Variants in ASIC2 observed in about 807,000 individuals in gnomAD.
The protein encoded by ASIC2 is acid sensing ion channel subunit 2.
ASIC2 carries 25 observed loss-of-function variants against 57.3 expected under a neutral mutation model. The ratio of observed to expected loss-of-function variants is 0.44; its 90% confidence interval spans 0.32 to 0.61. ASIC2 has a LOEUF of 0.61. Among genes scored for constraint, ASIC2 ranks in the 20% least tolerant of loss-of-function variants. ASIC2 has a pLI of 0.06. For missense variants in ASIC2, 641 were observed against 738.1 expected, an observed-to-expected ratio of 0.87 and a Z score of 1.52; for synonymous variants, 319 against 307.5, an observed-to-expected ratio of 1.04 and a Z score of -0.39.
At chr17:34,130,957 G>A (rs971656832) in intron 1 of ASIC2, among the ~76,000 whole-genome samples, 3 of 152,216 alleles carry the variant, frequency 2.0e-5, no homozygotes, top group African/African-American at 7.2e-5. Flanking sequence ...ACAGCGAGTA[G>A]GGAGAGATCG....
chr17:33,207,181 C>T (rs1354441637), intron 1 of ASIC2, among the ~76,000 whole-genome samples: 1 of 152,222 alleles, frequency 6.6e-6, no homozygotes, highest in Non-Finnish European at 1.5e-5. Context: ...CGTCCTTAAG[C>T]GATTCATTTA....
intron 1 of ASIC2, among the ~76,000 whole-genome samples, chr17:33,413,089 G>A (rs1314363287): frequency 1.3e-5 from 2 of 152,248 alleles, no homozygotes; most frequent in East Asian, 1.9e-4. Flanking sequence ...AGAGATGGGG[G>A]CATAGGGGGT....
chr17:33,475,759 C>T (rs9901123), intron 1 of ASIC2, among the ~76,000 whole-genome samples: 28,897 of 152,108 alleles, frequency 0.19, 2,983 homozygotes, highest in Middle Eastern at 0.24. Flanking sequence ...GGAAAGCAAG[C>T]GGCCTTATCT....
In ASIC2 at chr17:33,267,036, G is replaced by A. The variant is rs566115354; in HGVS notation, c.708+24372C>T. On this transcript the variant is annotated intron_variant, in intron 1 of 9. Transcript: ENST00000225823. ...ATTAATGAAATTTTAGGGGTAATCA[G>A]TTGACATTTCTTGGCTGTTCACTGG... Among the ~76,000 whole-genome samples, 6 of 152,268 alleles carry A rather than the reference G, an allele frequency of 3.9e-5. No individual in the cohort carries two copies. The East Asian group carries it at 9.7e-4, about 25-fold the overall frequency.
intron 1 of ASIC2, chr17:34,155,662 C>A: frequency 3.0e-6 from 1 of 334,014 alleles, no homozygotes. Flanking sequence ...ACCAAGCGGA[C>A]CGGACAACGG....
At chr17:33,203,270 G>A (rs532833124) in intron 1 of ASIC2, among the ~76,000 whole-genome samples, 139 of 152,298 alleles carry the variant, frequency 9.1e-4, no homozygotes, top group African/African-American at 3.2e-3. Context: ...TGCCTCTGGC[G>A]CATAATAATG....
At chr17:33,751,218 T>C (rs545499287) in intron 1 of ASIC2, among the ~76,000 whole-genome samples, 1 of 152,202 alleles carries the variant, frequency 6.6e-6, no homozygotes, top group East Asian at 1.9e-4. Flanking sequence ...ATTAATCAGA[T>C]GCCTGCAGGA....
chr17:33,745,216 G>T (rs958993229), intron 1 of ASIC2, among the ~76,000 whole-genome samples: 1 of 152,158 alleles, frequency 6.6e-6, no homozygotes, highest in Non-Finnish European at 1.5e-5. Context: ...TGAAGACCCA[G>T]AGGAGAGCTG....
intron 1 of ASIC2, among the ~76,000 whole-genome samples, chr17:33,243,953 C>T (rs1026785315): frequency 2.6e-5 from 4 of 152,208 alleles, no homozygotes; most frequent in African/African-American, 7.2e-5. Flanking sequence ...CTTGACCTCT[C>T]TGGGCCTCTG....
At chr17:33,297,928 A>C (rs34929935), upstream of ASIC2, among the ~76,000 whole-genome samples, 37,208 of 146,258 alleles carry the variant, frequency 0.25, 5,344 homozygotes, top group Middle Eastern at 0.37. Flanking sequence ...GTGACCCTAA[A>C]TCAATCTCTT....
At chr17:33,973,861 G>C (rs1054215041) in intron 1 of ASIC2, among the ~76,000 whole-genome samples, 1 of 152,122 alleles carries the variant, frequency 6.6e-6, no homozygotes, top group Non-Finnish European at 1.5e-5. Flanking sequence ...GGCCTGCTTG[G>C]TTGCCCTGGG....
chr17:33,079,865 G>A (rs2092105823), intron 3 of ASIC2, among the ~76,000 whole-genome samples: 1 of 152,138 alleles, frequency 6.6e-6, no homozygotes, highest in African/African-American at 2.4e-5. Flanking sequence ...TGAGGAACAA[G>A]GTTCCACAAC....
At chr17:33,014,133 G>T in intron 9 of ASIC2, 67 bp from the exon 10 acceptor site, 1 of 1,297,212 alleles carries the variant, frequency 7.7e-7, no homozygotes, top group Non-Finnish European at 1.1e-6. Context: ...TGCCACCAGC[G>T]GCCCAGCCTA....
intron 1 of ASIC2, among the ~76,000 whole-genome samples, chr17:34,116,198 A>T (rs1156988332): frequency 2.0e-5 from 3 of 152,222 alleles, no homozygotes; most frequent in Non-Finnish European, 4.4e-5. Context: ...GACCAAGATT[A>T]CAGTTGCATT....
chr17:33,949,185 G>C (rs1028424203), intron 1 of ASIC2, among the ~76,000 whole-genome samples: 2 of 152,088 alleles, frequency 1.3e-5, no homozygotes, highest in Admixed American at 1.3e-4. Flanking sequence ...TTGTGGGTGA[G>C]TTTTCTTCAG....
chr17:33,923,839 C>T (rs144295479), intron 1 of ASIC2, among the ~76,000 whole-genome samples: 2 of 152,256 alleles, frequency 1.3e-5, no homozygotes, highest in African/African-American at 4.8e-5. Context: ...TCAGCCCATG[C>T]TAGACTACAG....
At chr17:34,068,529 T>C (rs1041041388) in intron 1 of ASIC2, among the ~76,000 whole-genome samples, 1 of 152,252 alleles carries the variant, frequency 6.6e-6, no homozygotes, top group East Asian at 1.9e-4. Context: ...CTAAATAACT[T>C]TGTGACCTTT....
chr17:33,520,445 A>G (rs1914704605), intron 1 of ASIC2, among the ~76,000 whole-genome samples: 1 of 152,216 alleles, frequency 6.6e-6, no homozygotes. Context: ...GGGAGGTTGT[A>G]TTAATTAGTA....
chr17:33,571,339 G>A (rs973113992), intron 1 of ASIC2, among the ~76,000 whole-genome samples: 7 of 152,106 alleles, frequency 4.6e-5, no homozygotes, highest in Non-Finnish European at 5.9e-5. Context: ...TTGTTGTTTT[G>A]TTCACTTGTG....
Sources: allele counts gnomAD v4.1 joint callset (sites outside exome capture counted in the v4.1 genomes callset), GRCh38; gene constraint gnomAD v4.1.1; transcripts MANE v1.5; gene names NCBI Gene and HGNC (gene_info 2026-07-23, HGNC 2026-07-21).